BMPR2: variants seen among roughly 807,000 people sequenced by gnomAD.
The protein encoded by BMPR2 is bone morphogenetic protein receptor type 2.
BMPR2 carries 29 observed loss-of-function variants against 100.8 expected under a neutral mutation model. The ratio of observed to expected loss-of-function variants is 0.29; its 90% confidence interval spans 0.21 to 0.39. The LOEUF is 0.39. BMPR2 is among the 10% of genes least tolerant of loss of function. BMPR2 has a pLI of 1.00. For missense variants in BMPR2, 1,011 were observed against 1,274.5 expected (o/e 0.79, Z 3.15); for synonymous variants, 382 against 442.3 (o/e 0.86, Z 1.71).
At chr2:202,537,704 A>T (rs1034630306) in intron 9 of BMPR2, among the ~76,000 whole-genome samples, 2 of 152,248 alleles carry the variant, frequency 1.3e-5, no homozygotes, top group Non-Finnish European at 2.9e-5. Context: ...GATAAAAAAA[A>T]AATAAAGGAA....
At chr2:202,491,670 CT>C (rs1197698994) in intron 3 of BMPR2, among the ~76,000 whole-genome samples, 1 of 152,052 alleles carries the variant, frequency 6.6e-6, no homozygotes, top group Non-Finnish European at 1.5e-5. Flanking sequence ...TCTCAAAGTG[CT>C]GGAATTACAG....
intron 1 of BMPR2, among the ~76,000 whole-genome samples, chr2:202,431,790 A>T (rs998316534): frequency 6.6e-6 from 1 of 150,582 alleles, no homozygotes; most frequent in South Asian, 2.1e-4. Flanking sequence ...ATGTTCATAC[A>T]ATAACAAAAT....
chr2:202,380,772 A>G, intron 1 of BMPR2, among the ~76,000 whole-genome samples: 1 of 151,144 alleles, frequency 6.6e-6, no homozygotes, highest in Non-Finnish European at 1.5e-5. Context: ...GGCATGTGCC[A>G]CCACTCCTGG....
chr2:202,420,954 A>G (rs1691250084), intron 1 of BMPR2, among the ~76,000 whole-genome samples: 1 of 152,062 alleles, frequency 6.6e-6, no homozygotes, highest in Admixed American at 6.6e-5. Context: ...CTTCATTTAA[A>G]AAAGAGAAAT....
At chr2:202,410,897 A>G (rs528082988) in intron 1 of BMPR2, among the ~76,000 whole-genome samples, 16 of 152,256 alleles carry the variant, frequency 1.1e-4, no homozygotes, top group Middle Eastern at 6.8e-3. Flanking sequence ...TTTAAAAATA[A>G]TAATAAAAAA....
At chr2:202,492,125 TAAG>T (rs1692914471) in intron 3 of BMPR2, among the ~76,000 whole-genome samples, 1 of 152,054 alleles carries the variant, frequency 6.6e-6, no homozygotes. Flanking sequence ...GTAATACTAT[TAAG>T]AAAAGCAAGG....
At chr2:202,534,508 T>C (rs957130230) in intron 9 of BMPR2, among the ~76,000 whole-genome samples, 1 of 152,144 alleles carries the variant, frequency 6.6e-6, no homozygotes, top group African/African-American at 2.4e-5. Context: ...AAGCACATCT[T>C]GCACCGCCCT....
chr2:202,493,980 T>C (rs766017375), intron 3 of BMPR2, among the ~76,000 whole-genome samples: 1 of 152,226 alleles, frequency 6.6e-6, no homozygotes, highest in African/African-American at 2.4e-5. Context: ...TATTAACTAC[T>C]TGTTTGAAAA....
chr2:202,423,720 C>T (rs1011686001), intron 1 of BMPR2, among the ~76,000 whole-genome samples: 14 of 152,074 alleles, frequency 9.2e-5, no homozygotes, highest in Non-Finnish European at 1.5e-4. Context: ...CGCCACTGTA[C>T]TCTGGCCTGG....
At chr2:202,457,570 A>G (rs960709760) in intron 1 of BMPR2, among the ~76,000 whole-genome samples, 10 of 109,152 alleles carry the variant, frequency 9.2e-5, no homozygotes, top group Admixed American at 1.8e-4. Context: ...ATAGAGAGAG[A>G]GAGAGAGAGA....
At chr2:202,381,916 G>GA (rs1690303192) in intron 1 of BMPR2, among the ~76,000 whole-genome samples, 2 of 151,030 alleles carry the variant, frequency 1.3e-5, no homozygotes, top group Non-Finnish European at 2.9e-5. Flanking sequence ...ATTGAATATT[G>GA]ATCTCTAATG....
At chr2:202,381,562 A>G (rs1690293434) in intron 1 of BMPR2, among the ~76,000 whole-genome samples, 1 of 152,206 alleles carries the variant, frequency 6.6e-6, no homozygotes, top group African/African-American at 2.4e-5. Flanking sequence ...AACAAGAGGT[A>G]TCAAAGTACA....
At chr2:202,402,859 G>A (rs960840837) in intron 1 of BMPR2, among the ~76,000 whole-genome samples, 22 of 148,968 alleles carry the variant, frequency 1.5e-4, no homozygotes, top group African/African-American at 5.0e-5. Flanking sequence ...ATGGAGTTTC[G>A]CTTTTGTCGT....
At chr2:202,433,650 C>G (rs1043486147) in intron 1 of BMPR2, among the ~76,000 whole-genome samples, 3 of 150,500 alleles carry the variant, frequency 2.0e-5, no homozygotes, top group Admixed American at 2.0e-4. Context: ...TGGCTCATGC[C>G]TGTAATCCCA....
chr2:202,448,632 A>AT (rs1406085070), intron 1 of BMPR2, among the ~76,000 whole-genome samples: 1 of 150,254 alleles, frequency 6.7e-6, no homozygotes, highest in African/African-American at 2.4e-5. Context: ...AATTTTTTGT[A>AT]TTTTTATTAG....
chr2:202,517,976 C>CTTTTTTTTTTTTT (rs67110605), intron 5 of BMPR2, among the ~76,000 whole-genome samples: 5 of 88,464 alleles, frequency 5.7e-5, no homozygotes, highest in East Asian at 3.1e-4. Context: ...CCACGCCTGA[C>CTTTTTTTTTTTTT]TTTTTTTTTT....
chr2:202,419,433 T>C (rs1447490922), intron 1 of BMPR2, among the ~76,000 whole-genome samples: 4 of 152,200 alleles, frequency 2.6e-5, no homozygotes, highest in African/African-American at 9.7e-5. Flanking sequence ...CTCAGCTCAC[T>C]GCAACCTCTG....
At chr2:202,441,830 C>T (rs1470971729) in intron 1 of BMPR2, among the ~76,000 whole-genome samples, 4 of 149,318 alleles carry the variant, frequency 2.7e-5, no homozygotes, top group Admixed American at 2.0e-4. Context: ...GTCAGGAGTT[C>T]GAGACCAGTC....
At chr2:202,486,663 A>G (rs942908436) in intron 3 of BMPR2, among the ~76,000 whole-genome samples, 1 of 151,764 alleles carries the variant, frequency 6.6e-6, no homozygotes, top group African/African-American at 2.4e-5. Flanking sequence ...CTTATTGCAC[A>G]TGTTCGTAGT....
Sources: gnomAD v4.1 joint callset for allele counts (sites outside exome capture counted in the v4.1 genomes callset) on GRCh38, gnomAD v4.1.1 for gene constraint, MANE v1.5 for transcripts, NCBI Gene and HGNC (gene_info 2026-07-23, HGNC 2026-07-21) for gene names.